The following CTNND2 variants were observed in gnomAD, a reference collection of about 807,000 sequenced individuals.
CTNND2 encodes the protein catenin delta 2, also known as catenin delta-2.
A neutral mutation model predicts 144.4 loss-of-function variants in CTNND2; 22 were observed. That is an observed-to-expected ratio of 0.15 (90% CI 0.11 to 0.22). The LOEUF is 0.22. Among genes scored for constraint, CTNND2 ranks in the 10% least tolerant of loss-of-function variants. The pLI is 1.00. For synonymous variants in CTNND2, 751 were observed against 695.6 expected (o/e 1.08, Z -1.25); for missense variants, 1,353 against 1,618.8 (o/e 0.84, Z 2.82).
intron 3 of CTNND2, among the ~76,000 whole-genome samples, chr5:11,452,152 A>G (rs183987353): frequency 6.6e-4 from 101 of 152,378 alleles, no homozygotes; most frequent in African/African-American, 2.1e-3. Context: ...CTAAATATCT[A>G]TATAGGTGGA....
chr5:11,239,353 T>A (rs1741974183), intron 9 of CTNND2, among the ~76,000 whole-genome samples: 1 of 152,160 alleles, frequency 6.6e-6, no homozygotes, highest in Non-Finnish European at 1.5e-5. Context: ...GCAGAAGGGA[T>A]CCACGTCCCT....
intron 7 of CTNND2, among the ~76,000 whole-genome samples, chr5:11,365,636 G>T (rs1256225084): frequency 6.6e-6 from 1 of 152,164 alleles, no homozygotes; most frequent in Non-Finnish European, 1.5e-5. Context: ...ATGGGAAGAG[G>T]TGTTGATGTG....
chr5:11,032,171 A>G (rs989877594), intron 16 of CTNND2, among the ~76,000 whole-genome samples: 32 of 152,226 alleles, frequency 2.1e-4, no homozygotes, highest in Admixed American at 5.2e-4. Flanking sequence ...CCATCAGCCT[A>G]GAATCCTCTC....
intron 2 of CTNND2, among the ~76,000 whole-genome samples, chr5:11,624,181 G>T (rs1415755772): frequency 6.6e-6 from 1 of 152,036 alleles, no homozygotes; most frequent in Admixed American, 6.6e-5. Context: ...AGAACACAAA[G>T]GTTTTAAGGT....
intron 20 of CTNND2, 122 bp from the exon 21 acceptor site, chr5:10,981,968 G>T: frequency 1.4e-6 from 1 of 737,944 alleles, no homozygotes; most frequent in Non-Finnish European, 2.3e-6. Context: ...ATTCCAAGTA[G>T]AAGACATTCT....
At chr5:11,570,743 G>C (rs1433606959) in intron 2 of CTNND2, among the ~76,000 whole-genome samples, 1 of 151,762 alleles carries the variant, frequency 6.6e-6, no homozygotes, top group African/African-American at 2.4e-5. Flanking sequence ...ATGTTTGCTG[G>C]ATATTTTGTG....
intron 3 of CTNND2, among the ~76,000 whole-genome samples, chr5:11,536,757 C>T (rs1383699705): frequency 6.6e-6 from 1 of 152,048 alleles, no homozygotes; most frequent in Admixed American, 6.6e-5. Context: ...GGATAAAAGA[C>T]TATACATTGG....
chr5:11,498,201 A>T (rs932237538), intron 3 of CTNND2, among the ~76,000 whole-genome samples: 3 of 152,106 alleles, frequency 2.0e-5, no homozygotes, highest in Admixed American at 6.6e-5. Flanking sequence ...GACTAAAGAA[A>T]AATTTTAACA....
chr5:11,067,800 G>A (rs1580189818), intron 16 of CTNND2, among the ~76,000 whole-genome samples: 1 of 152,152 alleles, frequency 6.6e-6, no homozygotes, highest in Non-Finnish European at 1.5e-5. Flanking sequence ...AAACATAAGG[G>A]GCTTTATTAA....
At chr5:11,546,373 C>T (rs563332923) in intron 3 of CTNND2, among the ~76,000 whole-genome samples, 1 of 151,806 alleles carries the variant, frequency 6.6e-6, no homozygotes, top group African/African-American at 2.4e-5. Flanking sequence ...AGGTTGTCTG[C>T]TCTCCCCCAT....
intron 10 of CTNND2, among the ~76,000 whole-genome samples, chr5:11,217,860 G>A (rs1739361794): frequency 6.6e-6 from 1 of 152,084 alleles, no homozygotes; most frequent in African/African-American, 2.4e-5. Context: ...AATCTCTTTG[G>A]GTGTTTGTTG....
chr5:10,992,516 T>A, intron 19 of CTNND2, 35 bp downstream of exon 19: 1 of 1,612,864 alleles, frequency 6.2e-7, no homozygotes, highest in South Asian at 1.1e-5. Context: ...CAACGAGAAA[T>A]AAAGCCTGGC....
chr5:11,299,843 C>T (rs2150030469), intron 9 of CTNND2, among the ~76,000 whole-genome samples: 1 of 152,254 alleles, frequency 6.6e-6, no homozygotes, highest in South Asian at 2.1e-4. Flanking sequence ...CTGCTCGGAT[C>T]CTTAAATAAC....
At chr5:10,992,080 G>A (rs1009688827) in intron 19 of CTNND2, among the ~76,000 whole-genome samples, 1 of 152,108 alleles carries the variant, frequency 6.6e-6, no homozygotes, top group African/African-American at 2.4e-5. Flanking sequence ...AACAAGCCCG[G>A]CTAATTTTTG....
chr5:11,748,940 T>C (rs1788460332), intron 1 of CTNND2, among the ~76,000 whole-genome samples: 1 of 152,030 alleles, frequency 6.6e-6, no homozygotes, highest in African/African-American at 2.4e-5. Context: ...TGAAAGACAC[T>C]CAGACTTCCC....
chr5:11,340,934 A>T (rs566094276), intron 9 of CTNND2, among the ~76,000 whole-genome samples: 2 of 152,234 alleles, frequency 1.3e-5, no homozygotes, highest in Non-Finnish European at 2.9e-5. Context: ...CTTAATAATT[A>T]ACTTTCATCA....
At chr5:11,119,713 T>C (rs1428831087) in intron 12 of CTNND2, among the ~76,000 whole-genome samples, 1 of 152,260 alleles carries the variant, frequency 6.6e-6, no homozygotes, top group Non-Finnish European at 1.5e-5. Context: ...AGAAGAACTT[T>C]GCATGGCAAT....
rs114065286 is a variant in CTNND2 at position 11,073,728 on chromosome 5, G to A, written c.2788+8968C>T. On this transcript the variant is annotated intron_variant, in intron 16 of 21. Coordinates refer to ENST00000304623, the MANE Select transcript of CTNND2 (RefSeq NM_001332.4). ...TGAAATTAGGTTCTGGGGTTTAGGAGATGGGAGCTGTAACATAGGCACCTA... is the reference window on the plus strand; with the variant it reads ...TGAAATTAGGTTCTGGGGTTTAGGAAATGGGAGCTGTAACATAGGCACCTA... 2.2e-3 allele frequency among the ~76,000 whole-genome samples: 330 copies of A among 152,322 alleles called. 2 individuals carry two copies. Among genetic ancestry groups the A allele is most frequent in the African/African-American group, 7.7e-3 (319 of 41,574 alleles).
intron 2 of CTNND2, among the ~76,000 whole-genome samples, chr5:11,610,606 T>A (rs1780270405): frequency 6.6e-6 from 1 of 152,150 alleles, no homozygotes; most frequent in South Asian, 2.1e-4. Flanking sequence ...TGGGTTCTAG[T>A]TGGTAGTTTA....
Sources: gnomAD v4.1 joint callset for allele counts (sites outside exome capture counted in the v4.1 genomes callset) on GRCh38, gnomAD v4.1.1 for gene constraint, MANE v1.5 for transcripts, NCBI Gene and HGNC (gene_info 2026-07-23, HGNC 2026-07-21) for gene names.